RPS6KC1: variants seen among roughly 807,000 people sequenced by gnomAD.
RPS6KC1 encodes the protein ribosomal protein S6 kinase C1.
A neutral mutation model predicts 103.8 loss-of-function variants in RPS6KC1; 54 were observed. The ratio of observed to expected loss-of-function variants is 0.52; its 90% CI spans 0.42 to 0.65. RPS6KC1 has a LOEUF of 0.65. RPS6KC1 is among the 30% of genes least tolerant of loss of function. The pLI is 0.00. For synonymous variants in RPS6KC1, 439 were observed against 438.7 expected, an observed-to-expected ratio of 1.00 and a Z score of -0.01; for missense variants, 1,151 against 1,253.8, an observed-to-expected ratio of 0.92 and a Z score of 1.24.
At chr1:213,425,042 C>G in the RPS6KC1 span, among the ~76,000 whole-genome samples, 1 of 152,090 alleles carries the variant, frequency 6.6e-6, no homozygotes, top group Non-Finnish European at 1.5e-5. Flanking sequence ...ACCAGGGCCA[C>G]GGAGGAGCCG....
At position 213,051,315 on chromosome 1, in the gene RPS6KC1, G is replaced by T. The variant is rs2076922043; in HGVS notation, c.-90G>T. 1 of 962,888 alleles carries T rather than the reference G, an allele frequency of 1.0e-6. No individual in the cohort carries two copies. The highest frequency in any genetic ancestry group is 1.6e-5 in the African/African-American group (1 of 60,994). The allele number at this position is 962,888 out of a possible 1,614,324, so 59.6% of individuals were successfully genotyped here. A position where few individuals can be genotyped will look rare whatever the true frequency, so the allele number is the denominator to read the frequency against. On this transcript the variant is annotated 5_prime_UTR_variant, in exon 1 of 15. Transcript: ENST00000366960. ...GGAGCCACCGCCCCCTCGCCGCTTC[G>T]CCGCTGCGTTGGGGAACCTGGACCG...
chr1:213,771,385 T>C, the RPS6KC1 span, among the ~76,000 whole-genome samples: 1 of 152,068 alleles, frequency 6.6e-6, no homozygotes, highest in South Asian at 2.1e-4. Context: ...CGCTCAGTAA[T>C]TATGAGGGTG....
Position 213,051,268 on chromosome 1 carries a change from G to A in RPS6KC1, c.-137G>A, listed in dbSNP as rs1027979017. 4.0e-5 allele frequency: 25 copies of A among 632,694 alleles called. No homozygotes were observed. Among genetic ancestry groups the A allele is most frequent in the Middle Eastern group, 4.3e-4 (1 of 2,340 alleles). The allele number at this position is 632,694 out of a possible 1,614,324, so 39.2% of individuals were successfully genotyped here. The stretch of plus-strand genomic sequence containing the variant: ...CCCGGAAGCAGAGCTGTGCAGCTGA[G>A]GCGCCGCCGTGGAGCCGCCTTGGAG... On this transcript the variant is annotated 5_prime_UTR_variant, in exon 1 of 15. Transcript: ENST00000366960.
At chr1:213,716,006 A>G in the RPS6KC1 span, among the ~76,000 whole-genome samples, 2 of 152,148 alleles carry the variant, frequency 1.3e-5, no homozygotes, top group African/African-American at 4.8e-5. Flanking sequence ...ATTTTGTGCA[A>G]CATAAGCTCC....
chr1:213,407,030 C>T, the RPS6KC1 span, among the ~76,000 whole-genome samples: 1 of 152,134 alleles, frequency 6.6e-6, no homozygotes, highest in African/African-American at 2.4e-5. Flanking sequence ...GGTGCCTTTG[C>T]TGGCCCAGGT....
chr1:213,071,290 C>G (rs561191325), intron 2 of RPS6KC1, among the ~76,000 whole-genome samples: 2 of 152,206 alleles, frequency 1.3e-5, no homozygotes, highest in East Asian at 1.9e-4. Context: ...CCACCACACT[C>G]AGCTATTTTT....
chr1:213,621,243 A>G, the RPS6KC1 span, among the ~76,000 whole-genome samples: 3 of 152,344 alleles, frequency 2.0e-5, no homozygotes, highest in African/African-American at 7.2e-5. Context: ...ATTCCCCACT[A>G]AAAGTCAGAA....
At chr1:213,164,789 G>A (rs2090806959) in intron 6 of RPS6KC1, among the ~76,000 whole-genome samples, 1 of 152,138 alleles carries the variant, frequency 6.6e-6, no homozygotes, top group Non-Finnish European at 1.5e-5. Context: ...GGCTTGTGTT[G>A]AACTCCTGGG....
chr1:213,380,857 C>T, the RPS6KC1 span, among the ~76,000 whole-genome samples: 2 of 152,170 alleles, frequency 1.3e-5, no homozygotes, highest in African/African-American at 4.8e-5. Flanking sequence ...CCTCTCATGT[C>T]TCAGGGCTCC....
intron 8 of RPS6KC1, 41 bp downstream of exon 8, chr1:213,176,533 G>A (rs764720030): frequency 2.3e-6 from 3 of 1,295,968 alleles, no homozygotes; most frequent in Non-Finnish European, 3.3e-6. Context: ...GTCATAAATC[G>A]ACTGCATGCT....
the RPS6KC1 span, among the ~76,000 whole-genome samples, chr1:213,774,154 TC>T: frequency 6.6e-6 from 1 of 152,232 alleles, no homozygotes; most frequent in Non-Finnish European, 1.5e-5. Flanking sequence ...GAAGATCTCA[TC>T]TTCTAGAAAT....
chr1:213,659,248 A>T, the RPS6KC1 span, among the ~76,000 whole-genome samples: 3 of 152,136 alleles, frequency 2.0e-5, no homozygotes, highest in South Asian at 6.2e-4. Flanking sequence ...TACAGGTGTG[A>T]GCCACCACAC....
chr1:213,421,921 T>G, the RPS6KC1 span, among the ~76,000 whole-genome samples: 1 of 152,254 alleles, frequency 6.6e-6, no homozygotes, highest in African/African-American at 2.4e-5. Flanking sequence ...GGATTGAATT[T>G]ACTATTTATG....
At chr1:213,393,900 GGGA>G in the RPS6KC1 span, among the ~76,000 whole-genome samples, 3 of 152,278 alleles carry the variant, frequency 2.0e-5, no homozygotes, top group Non-Finnish European at 4.4e-5. Flanking sequence ...AACACTGATG[GGGA>G]GGAGTAAGGA....
chr1:213,424,405 G>T, the RPS6KC1 span, among the ~76,000 whole-genome samples: 1 of 152,262 alleles, frequency 6.6e-6, no homozygotes, highest in Non-Finnish European at 1.5e-5. Flanking sequence ...GAGGGAGAGG[G>T]GAAGAAATGG....
the RPS6KC1 span, among the ~76,000 whole-genome samples, chr1:213,367,822 GAAGA>G: frequency 6.6e-6 from 1 of 152,162 alleles, no homozygotes; most frequent in African/African-American, 2.4e-5. Flanking sequence ...TAGATAAGAA[GAAGA>G]AACATCTTCA....
At chr1:213,120,614 G>A (rs1471809396) in intron 5 of RPS6KC1, among the ~76,000 whole-genome samples, 1 of 152,046 alleles carries the variant, frequency 6.6e-6, no homozygotes, top group Admixed American at 6.6e-5. Flanking sequence ...AAATGCTTGT[G>A]TTTTGGATTT....
At chr1:213,216,626 G>C (rs1267606350) in intron 8 of RPS6KC1, among the ~76,000 whole-genome samples, 1 of 152,102 alleles carries the variant, frequency 6.6e-6, no homozygotes, top group African/African-American at 2.4e-5. Flanking sequence ...TGGAAGTAAA[G>C]CTCTCCTCAG....
At chr1:213,842,830 G>A in the RPS6KC1 span, among the ~76,000 whole-genome samples, 1 of 152,102 alleles carries the variant, frequency 6.6e-6, no homozygotes, top group Non-Finnish European at 1.5e-5. Context: ...CTGTTTTAGG[G>A]GCCAAGTGGT....
Sources: allele counts gnomAD v4.1 joint callset (sites outside exome capture counted in the v4.1 genomes callset), GRCh38; gene constraint gnomAD v4.1.1; transcripts MANE v1.5; gene names NCBI Gene and HGNC (gene_info 2026-07-23, HGNC 2026-07-21).